RNF135: variants seen among roughly 807,000 people sequenced by gnomAD.
The protein encoded by RNF135 is E3 ubiquitin-protein ligase RNF135.
A neutral mutation model predicts 41.9 loss-of-function variants in RNF135; 46 were observed. The observed-to-expected ratio is 1.10, with a 90% CI of 0.87 to 1.40. The LOEUF (loss-of-function observed/expected upper bound fraction) is 1.40, where lower values mean the gene tolerates loss of function less well. RNF135 is among the 40% of genes most tolerant of loss of function. The pLI is 0.00. For synonymous variants in RNF135, 238 were observed against 223.8 expected, an observed-to-expected ratio of 1.06 and a Z score of -0.57; for missense variants, 539 against 549.8, an observed-to-expected ratio of 0.98 and a Z score of 0.20.
At chr17:30,964,791 TCTC>T in the RNF135 span, 1 of 151,704 alleles carries the variant, frequency 6.6e-6, no homozygotes, top group Non-Finnish European at 1.5e-5. Context: ...TTCAAGCCAT[TCTC>T]CTCCTCAGCC....
chr17:30,970,787 A>C (rs1387707567), upstream of RNF135: 1 of 518,288 alleles, frequency 1.9e-6, no homozygotes, highest in Non-Finnish European at 3.4e-6. Flanking sequence ...ATCCAGCTAA[A>C]GGGAATCTTG....
chr17:30,979,891 G>A lies in RNF135; in HGVS notation c.373-4726G>A, dbSNP rs1243446532. Reference sequence around the variant, plus strand: ...CCCCACCTCCCTCCCGGGCGGGGCGGCTGGCCGGGCAGAGGGGCTCCTCAC... The same window carrying A: ...CCCCACCTCCCTCCCGGGCGGGGCGACTGGCCGGGCAGAGGGGCTCCTCAC... On this transcript the variant is annotated intron_variant, in intron 1 of 4. Transcript: ENST00000328381. Among the ~76,000 whole-genome samples the A allele has an allele frequency of 5.1e-3, 625 of 121,904 alleles. 10 individuals carry two copies. The highest frequency in any genetic ancestry group is 0.019 in the African/African-American group (576 of 30,412). 80.0% of individuals were successfully genotyped at this position (121,904 alleles called of 152,430 possible). A position where few individuals can be genotyped will look rare whatever the true frequency, so the allele number is the denominator to read the frequency against.
chr17:30,965,769 G>A, the RNF135 span, among the ~76,000 whole-genome samples: 1 of 152,210 alleles, frequency 6.6e-6, no homozygotes, highest in Non-Finnish European at 1.5e-5. Context: ...TGGTGGGCAG[G>A]GGACTAGGGG....
intron 2 of RNF135, among the ~76,000 whole-genome samples, chr17:30,986,267 G>T (rs1907579833): frequency 6.6e-6 from 1 of 151,266 alleles, no homozygotes; most frequent in Admixed American, 6.6e-5. Flanking sequence ...CGTGATCTCA[G>T]CTCATTGCAA....
chr17:30,977,951 TTGTC>T lies in RNF135; in HGVS notation c.372+6509_372+6512del, dbSNP rs1386415066. 2.6e-5 allele frequency among the ~76,000 whole-genome samples: 4 copies of T among 152,326 alleles called. No homozygotes were observed. The East Asian group carries it at 7.7e-4, about 29-fold the overall frequency. On this transcript the variant is annotated intron_variant, in intron 1 of 4. Transcript: ENST00000328381. ...GTTGATAAAATCCCTTAGCTTTTGT[TTGTC>T]TGGGAGAGTCTATTTCTCCTTCATG...
chr17:30,997,584 C>T (rs1004515350), intron 4 of RNF135: 3 of 565,022 alleles, frequency 5.3e-6, no homozygotes, highest in Non-Finnish European at 1.0e-5. Flanking sequence ...ACTGCCTGTT[C>T]CCAAACCTGC....
At chr17:30,975,436 C>T (rs1053410000) in intron 1 of RNF135, 1 of 773,402 alleles carries the variant, frequency 1.3e-6, no homozygotes, top group Non-Finnish European at 2.4e-6. Flanking sequence ...TGCATTCACA[C>T]AGGAAATGAA....
At chr17:30,980,525 A>C (rs1907034229) in intron 1 of RNF135, among the ~76,000 whole-genome samples, 2 of 131,630 alleles carry the variant, frequency 1.5e-5, no homozygotes, top group African/African-American at 2.9e-5. Context: ...TCCCTCCCGG[A>C]CGGGGTGGCT....
chr17:30,972,122 A>C (rs1906024350), intron 1 of RNF135: 1 of 149,568 alleles, frequency 6.7e-6, no homozygotes, highest in African/African-American at 2.5e-5. Context: ...TTTGAGACGG[A>C]GTTTTGCTTT....
intron 3 of RNF135, among the ~76,000 whole-genome samples, chr17:30,993,042 T>TATC (rs1354145633): frequency 6.9e-6 from 1 of 145,322 alleles, no homozygotes; most frequent in Non-Finnish European, 1.5e-5. Context: ...TTTATTTGTT[T>TATC]ATTATTATTA....
chr17:30,960,104 A>G, the RNF135 span, among the ~76,000 whole-genome samples: 1 of 152,114 alleles, frequency 6.6e-6, no homozygotes, highest in Non-Finnish European at 1.5e-5. Flanking sequence ...TATAGAAAGA[A>G]ATTTATTGGC....
chr17:30,991,963 G>A (rs1174903343), intron 3 of RNF135, among the ~76,000 whole-genome samples: 3 of 142,450 alleles, frequency 2.1e-5, no homozygotes, highest in Non-Finnish European at 4.5e-5. Context: ...AAGCAGTTTC[G>A]TTCTTGTTGC....
At chr17:30,982,540 C>T (rs1474043217) in intron 1 of RNF135, among the ~76,000 whole-genome samples, 1 of 152,130 alleles carries the variant, frequency 6.6e-6, no homozygotes, top group Non-Finnish European at 1.5e-5. Flanking sequence ...CTCTTCAGTG[C>T]CTGTTTCAGT....
chr17:30,982,107 A>G (rs1158304217), intron 1 of RNF135, among the ~76,000 whole-genome samples: 2 of 152,248 alleles, frequency 1.3e-5, no homozygotes, highest in Non-Finnish European at 2.9e-5. Flanking sequence ...AAAGCCAGCC[A>G]GGCTTGTGTC....
intron 1 of RNF135, among the ~76,000 whole-genome samples, chr17:30,974,159 G>A (rs145559213): frequency 6.6e-6 from 1 of 152,172 alleles, no homozygotes; most frequent in Non-Finnish European, 1.5e-5. Flanking sequence ...AGCCGTGATT[G>A]TACCACTGCA....
At chr17:30,960,833 G>A in the RNF135 span, among the ~76,000 whole-genome samples, 4 of 150,478 alleles carry the variant, frequency 2.7e-5, no homozygotes, top group East Asian at 2.0e-4. Flanking sequence ...TCCGCCTCCC[G>A]GGTTCACGCC....
rs780490629 is a variant in RNF135, at chr17:30,999,068, G to A, written c.1176G>A (p.Val392=). 29 of 1,614,120 alleles carry A rather than the reference G, an allele frequency of 1.8e-5. No homozygotes were observed. Among genetic ancestry groups the A allele is most frequent in the Non-Finnish European group, 2.5e-5 (29 of 1,180,040 alleles). ...LEEGKLAFYS[V]DNQEKLLYEC... ...AGGGAAAGCTTGCCTTCTATTCAGTGGACAATCAGGAGAAGCTTCTGTATG... is the reference window on the plus strand; with the variant it reads ...AGGGAAAGCTTGCCTTCTATTCAGTAGACAATCAGGAGAAGCTTCTGTATG... The change falls in exon 5 of 5, where the codon GTG becomes GTA. Residue 392 remains valine (V), a synonymous_variant. Coordinates refer to ENST00000328381, the MANE Select transcript of RNF135 (RefSeq NM_032322.4).
intron 3 of RNF135, among the ~76,000 whole-genome samples, chr17:30,990,352 G>T (rs185045528): frequency 1.3e-5 from 2 of 152,024 alleles, no homozygotes; most frequent in African/African-American, 4.8e-5. Context: ...GTGAAACCCC[G>T]TCTCTACTAA....
chr17:30,969,927 G>GATTTT (rs1555571717), upstream of RNF135, among the ~76,000 whole-genome samples: 1 of 151,896 alleles, frequency 6.6e-6, no homozygotes, highest in South Asian at 2.1e-4. Flanking sequence ...AGGGCGCCTG[G>GATTTT]CTTTTCTTTT....
Sources: gnomAD v4.1 joint callset for allele counts (sites outside exome capture counted in the v4.1 genomes callset) on GRCh38, gnomAD v4.1.1 for gene constraint, MANE v1.5 for transcripts, NCBI Gene and HGNC (gene_info 2026-07-23, HGNC 2026-07-21) for gene names.